The following MPDZ variants were observed in gnomAD, a reference collection of about 807,000 sequenced individuals.
The protein encoded by MPDZ is multiple PDZ domain protein.
MPDZ carries 234 observed loss-of-function variants against 239.1 expected under a neutral mutation model. The ratio of observed to expected loss-of-function variants is 0.98; its 90% CI spans 0.88 to 1.09. The LOEUF (loss-of-function observed/expected upper bound fraction) is 1.09. Among genes scored for constraint, MPDZ ranks in the 50% least tolerant of loss-of-function variants. The pLI is 0.00. For synonymous variants in MPDZ, 1,048 were observed against 881.3 expected (o/e 1.19, Z -3.35); for missense variants, 3,175 against 2,510.0 (o/e 1.26, Z -5.66).
chr9:13,126,716 G>A lies in MPDZ; in HGVS notation c.4521C>T (p.Ile1507=). 6.2e-7 allele frequency: 1 copy of A among 1,613,852 alleles called. No homozygotes were observed. The highest frequency in any genetic ancestry group is 8.5e-7 in the Non-Finnish European group (1 of 1,179,812). The change falls in exon 33 of 47, where the codon ATC becomes ATT. Residue 1507 remains isoleucine (I), a synonymous_variant. Transcript: ENST00000319217. ...CCCCATGCTCTGTTAAGCTCTTTAT[G>A]ATGACTCCACTGAGTGTATCTTCTT... The part of the protein sequence containing the change: ...ISEEDTLSGV[I]IKSLTEHGVA...
At chr9:13,167,790 T>C (rs971703008) in intron 22 of MPDZ, among the ~76,000 whole-genome samples, 2 of 152,070 alleles carry the variant, frequency 1.3e-5, no homozygotes, top group Non-Finnish European at 1.5e-5. Context: ...TTTTAGTACA[T>C]TATGGGGTTA....
rs765883510 is a variant in MPDZ at position 13,113,050 on chromosome 9, T to C, written c.5562A>G (p.Ala1854=). Residue 1854 remains alanine, a synonymous_variant, in exon 42 of 47, where the codon GCA becomes GCG. Coordinates refer to ENST00000319217, the MANE Select transcript of MPDZ (RefSeq NM_001378778.1). ...CTGTTCTTAATCCCTGTATTTCAGA[T>C]GCCACTGTAAAGGCAAAAAAGATAA... ...LESSSKKNAL[A]SEIQGLRTVE... is the part of the protein sequence containing the mutation. 1.9e-6 allele frequency: 3 copies of C among 1,580,670 alleles called. No individual in the cohort carries two copies. Among genetic ancestry groups the C allele is most frequent in the Non-Finnish European group, 1.7e-6 (2 of 1,161,264 alleles).
At chr9:13,119,464 C>T (rs1943996149) in intron 39 of MPDZ, 38 bp downstream of exon 39, 4 of 1,572,408 alleles carry the variant, frequency 2.5e-6, no homozygotes, top group Admixed American at 1.9e-5. Flanking sequence ...CTTTTTTCTT[C>T]TACGCTATTA....
At chr9:13,154,564 G>C (rs1446799562) in intron 24 of MPDZ, among the ~76,000 whole-genome samples, 2 of 152,148 alleles carry the variant, frequency 1.3e-5, no homozygotes, top group Non-Finnish European at 2.9e-5. Context: ...TCTCTACACA[G>C]AGTTTCTGTG....
intron 21 of MPDZ, among the ~76,000 whole-genome samples, chr9:13,171,307 C>T (rs910243144): frequency 6.6e-6 from 1 of 152,144 alleles, no homozygotes; most frequent in Admixed American, 6.6e-5. Context: ...AAATGCAAAT[C>T]TTAATTCAGC....
intron 42 of MPDZ, among the ~76,000 whole-genome samples, chr9:13,112,386 G>T (rs1942644371): frequency 6.6e-6 from 1 of 152,142 alleles, no homozygotes; most frequent in Non-Finnish European, 1.5e-5. Context: ...TCATGTTGTG[G>T]AACTGATGAA....
intron 27 of MPDZ, among the ~76,000 whole-genome samples, chr9:13,141,449 C>T (rs1947660362): frequency 1.3e-5 from 2 of 152,154 alleles, no homozygotes; most frequent in East Asian, 1.9e-4. Context: ...TCAGGAACAT[C>T]CAGCTAAAGT....
chr9:13,276,324 G>A (rs1588281840), intron 1 of MPDZ, among the ~76,000 whole-genome samples: 1 of 152,148 alleles, frequency 6.6e-6, no homozygotes, highest in South Asian at 2.1e-4. Flanking sequence ...CTCCCACATG[G>A]AATCCCACTA....
chr9:13,170,702 G>A (rs1046756476), intron 21 of MPDZ, among the ~76,000 whole-genome samples: 1 of 152,130 alleles, frequency 6.6e-6, no homozygotes, highest in Non-Finnish European at 1.5e-5. Flanking sequence ...CACAGACATG[G>A]AACCTATCAT....
chr9:13,139,763 G>A (rs1947359387), intron 28 of MPDZ: 1 of 537,738 alleles, frequency 1.9e-6, no homozygotes, highest in African/African-American at 1.9e-5. Context: ...ACAAAAGGCA[G>A]AGTGAGCTTT....
chr9:13,173,519 A>G (rs1246330108), intron 21 of MPDZ, among the ~76,000 whole-genome samples: 1 of 152,018 alleles, frequency 6.6e-6, no homozygotes, highest in Non-Finnish European at 1.5e-5. Context: ...CCTGGGCAAC[A>G]TGGTGAAACC....
chr9:13,110,817 T>G, intron 43 of MPDZ, 77 bp from the exon 44 acceptor site: 1 of 942,046 alleles, frequency 1.1e-6, no homozygotes, highest in Non-Finnish European at 1.6e-6. Flanking sequence ...AGTATTCATT[T>G]CCTTCTCCAC....
chr9:13,264,557 G>A (rs1243338060), intron 1 of MPDZ, among the ~76,000 whole-genome samples: 10 of 151,322 alleles, frequency 6.6e-5, no homozygotes, highest in Non-Finnish European at 1.5e-5. Context: ...CCGACCCTCT[G>A]AAAGGTCTGA....
At chr9:13,182,232 A>T (rs1386394487) in intron 19 of MPDZ, among the ~76,000 whole-genome samples, 1 of 152,110 alleles carries the variant, frequency 6.6e-6, no homozygotes, top group Non-Finnish European at 1.5e-5. Flanking sequence ...AAAATTGTCC[A>T]GTCTTTTCAA....
intron 10 of MPDZ, among the ~76,000 whole-genome samples, chr9:13,209,902 G>A (rs1352214507): frequency 1.3e-5 from 2 of 151,800 alleles, no homozygotes; most frequent in African/African-American, 4.8e-5. Context: ...AAACAAGGCT[G>A]GAGACTCATA....
At chr9:13,225,164 T>C (rs1204687991) in intron 3 of MPDZ, among the ~76,000 whole-genome samples, 3 of 152,062 alleles carry the variant, frequency 2.0e-5, no homozygotes, top group Non-Finnish European at 2.9e-5. Flanking sequence ...GTTTGTGCTT[T>C]AAGCTAAGTG....
intron 5 of MPDZ, 68 bp from the exon 6 acceptor site, chr9:13,222,514 C>T (rs774179483): frequency 1.6e-6 from 2 of 1,226,320 alleles, no homozygotes; most frequent in Non-Finnish European, 2.4e-6. Context: ...GCTTCTTTGG[C>T]ATGTATGTTC....
At chr9:13,118,251 T>C (rs1160337933) in intron 39 of MPDZ, among the ~76,000 whole-genome samples, 1 of 152,228 alleles carries the variant, frequency 6.6e-6, no homozygotes, top group African/African-American at 2.4e-5. Flanking sequence ...TAACAATTGT[T>C]TTTAATGTGT....
Position 13,147,671 on chromosome 9 carries a change from G to C in MPDZ, c.3631-13C>G, listed in dbSNP as rs551821068. The C allele has an allele frequency of 2.3e-5, 36 of 1,589,664 alleles. No homozygotes were observed. The African/African-American group carries it at 4.4e-4, about 20-fold the overall frequency. ...CCATTCCATCCACCTGCAATGGAAG[G>C]CCTCAGCTTAACATTTCAAGAATCT... On this transcript the variant is annotated splice_polypyrimidine_tract_variant and intron_variant, in intron 25 of 46. Coordinates refer to ENST00000319217, the MANE Select transcript of MPDZ (RefSeq NM_001378778.1).
Sources: allele counts gnomAD v4.1 joint callset (sites outside exome capture counted in the v4.1 genomes callset), GRCh38; gene constraint gnomAD v4.1.1; transcripts MANE v1.5; gene names NCBI Gene and HGNC (gene_info 2026-07-23, HGNC 2026-07-21).